The following ADGRD1 variants were observed in gnomAD, a reference collection of about 807,000 sequenced individuals.
The protein encoded by ADGRD1 is adhesion G protein-coupled receptor D1.
Under a neutral mutation model 113.4 loss-of-function variants are expected in ADGRD1, and 77 were observed. The ratio of observed to expected loss-of-function variants is 0.68; its 90% CI spans 0.57 to 0.82. ADGRD1 has a LOEUF of 0.82. Among genes scored for constraint, ADGRD1 ranks in the 40% least tolerant of loss-of-function variants. The pLI, the probability that ADGRD1 is intolerant of heterozygous loss-of-function variation, is 0.00. For missense variants in ADGRD1, 1,036 were observed against 1,139.1 expected (o/e 0.91, Z 1.30); for synonymous variants, 474 against 475.0 (o/e 1.00, Z 0.03).
intron 3 of ADGRD1, chr12:130,968,936 C>T: frequency 8.7e-7 from 1 of 1,153,528 alleles, no homozygotes; most frequent in Non-Finnish European, 1.3e-6. Context: ...TCTTTTGTCT[C>T]ACTCACTTGC....
intron 7 of ADGRD1, among the ~76,000 whole-genome samples, chr12:130,991,381 T>G (rs1411714281): frequency 6.6e-6 from 1 of 152,158 alleles, no homozygotes; most frequent in Non-Finnish European, 1.5e-5. Flanking sequence ...CTGCTTGGCT[T>G]CTCTCTATGC....
At chr12:131,043,138 G>A (rs1669066863) in intron 13 of ADGRD1, among the ~76,000 whole-genome samples, 1 of 152,206 alleles carries the variant, frequency 6.6e-6, no homozygotes, top group Admixed American at 6.5e-5. Flanking sequence ...GGGGTTGGGA[G>A]CGAGACAGGC....
At chr12:131,069,766 T>C (rs549046689) in intron 13 of ADGRD1, 1 of 152,338 alleles carries the variant, frequency 6.6e-6, no homozygotes, top group South Asian at 2.1e-4. Flanking sequence ...AAATATCTTA[T>C]ATGGTATTAT....
chr12:131,004,392 G>GCTGCGGTGCTCCCCCGGGCCTC, intron 11 of ADGRD1, 96 bp downstream of exon 11: 1 of 790,718 alleles, frequency 1.3e-6, no homozygotes, highest in Non-Finnish European at 2.1e-6. Context: ...GCGCCAGGGA[G>GCTGCGGTGCTCCCCCGGGCCTC]CTGCGGTGCT....
chr12:131,119,181 T>C (rs1375012017), intron 19 of ADGRD1, among the ~76,000 whole-genome samples: 2 of 152,222 alleles, frequency 1.3e-5, no homozygotes, highest in African/African-American at 2.4e-5. Context: ...AAAATAAATA[T>C]TGACGGTGCT....
chr12:130,982,107 G>A lies in ADGRD1; in HGVS notation c.490+44G>A, dbSNP rs550599089. 5 of 1,527,734 alleles carry A rather than the reference G, an allele frequency of 3.3e-6. No individual in the cohort carries two copies. The South Asian group carries it at 3.5e-5, about 11-fold the overall frequency. The allele number at this position is 1,527,734 out of a possible 1,614,324, so 94.6% of individuals were successfully genotyped here. A position where few individuals can be genotyped will look rare whatever the true frequency, so the allele number is the denominator to read the frequency against. On this transcript the variant is annotated intron_variant, in intron 5 of 24. Transcript: ENST00000261654. Reference sequence around the variant, plus strand: ...CCCGGGAGGCTCTGCCTGGAGGAGTGGAGTCTTCTCTGAGAATGGACGCTG... The same window carrying A: ...CCCGGGAGGCTCTGCCTGGAGGAGTAGAGTCTTCTCTGAGAATGGACGCTG...
Position 131,090,533 on chromosome 12 carries a change from CA to C in ADGRD1, c.1671+5871del, listed in dbSNP as rs749029125. Reference sequence around the variant, plus strand: ...GGAAGCCCTCTTCCTCCTAAGTGGGCAGTGTCCTTTTTGTGGAAAGCCTATC... The same window carrying C: ...GGAAGCCCTCTTCCTCCTAAGTGGGCGTGTCCTTTTTGTGGAAAGCCTATC... On this transcript the variant is annotated intron_variant, in intron 15 of 24. Coordinates refer to ENST00000261654, the MANE Select transcript of ADGRD1 (RefSeq NM_198827.5). 1.6e-4 allele frequency among the ~76,000 whole-genome samples: 24 copies of C among 152,186 alleles called. 1 individual carries two copies. Among genetic ancestry groups the C allele is most frequent in the Non-Finnish European group, 3.1e-4 (21 of 68,024 alleles).
intron 14 of ADGRD1, among the ~76,000 whole-genome samples, chr12:131,080,074 A>G (rs1332694105): frequency 6.6e-6 from 1 of 152,190 alleles, no homozygotes; most frequent in East Asian, 1.9e-4. Context: ...GGTTATTACT[A>G]TGAAGCTTTA....
chr12:131,010,767 GA>G (rs1304569171), intron 12 of ADGRD1, among the ~76,000 whole-genome samples: 7 of 152,044 alleles, frequency 4.6e-5, no homozygotes, highest in Non-Finnish European at 2.9e-5. Flanking sequence ...AGCTCTGGGG[GA>G]CAGCACAGTC....
Position 131,137,926 on chromosome 12 carries a change from AC to A in ADGRD1, c.2437-208del. The A allele has an allele frequency of 5.5e-6, 3 of 546,530 alleles. No homozygotes were observed. The South Asian group carries it at 5.8e-5, about 11-fold the overall frequency. The allele number at this position is 546,530 out of a possible 1,614,324, so 33.9% of individuals were successfully genotyped here. ...AGGAGCCCAGCAGAGGCCACTCCAC[AC>A]CCAGCTTCCCTGGCCTGCGATACAA... On this transcript the variant is annotated intron_variant, in intron 23 of 24. Coordinates refer to ENST00000261654, the MANE Select transcript of ADGRD1 (RefSeq NM_198827.5).
At chr12:131,011,760 T>C (rs896574278) in intron 12 of ADGRD1, among the ~76,000 whole-genome samples, 5 of 152,124 alleles carry the variant, frequency 3.3e-5, no homozygotes, top group Admixed American at 1.3e-4. Context: ...TTCCAGCGCG[T>C]TTGGTGGAAT....
intron 18 of ADGRD1, among the ~76,000 whole-genome samples, chr12:131,112,217 C>T (rs1403035097): frequency 6.6e-6 from 1 of 152,144 alleles, no homozygotes; most frequent in Non-Finnish European, 1.5e-5. Flanking sequence ...TACAGTCACC[C>T]TGGGATGGCA....
intron 13 of ADGRD1, among the ~76,000 whole-genome samples, chr12:131,038,936 G>A (rs571724296): frequency 2.4e-4 from 37 of 152,262 alleles, no homozygotes; most frequent in Non-Finnish European, 5.0e-4. Context: ...GAGCAGGGTG[G>A]TTACGGCCTC....
chr12:131,117,799 T>G (rs1421500301), intron 18 of ADGRD1, among the ~76,000 whole-genome samples: 2 of 152,242 alleles, frequency 1.3e-5, no homozygotes, highest in Non-Finnish European at 2.9e-5. Flanking sequence ...AAGTCAGCCA[T>G]GTCCGATGTC....
intron 21 of ADGRD1, among the ~76,000 whole-genome samples, chr12:131,135,585 C>T (rs1951055765): frequency 6.6e-6 from 1 of 152,188 alleles, no homozygotes; most frequent in South Asian, 2.1e-4. Flanking sequence ...ATCTTCCTGG[C>T]CATGGCCTCA....
intron 13 of ADGRD1, among the ~76,000 whole-genome samples, chr12:131,016,872 G>T (rs550154636): frequency 6.9e-6 from 1 of 144,218 alleles, no homozygotes; most frequent in African/African-American, 2.6e-5. Context: ...CAGCCTGGGC[G>T]ATAGAGTGAG....
chr12:131,028,119 A>G (rs917202863), intron 13 of ADGRD1: 1 of 152,232 alleles, frequency 6.6e-6, no homozygotes, highest in South Asian at 2.1e-4. Context: ...CCCAGTGTCC[A>G]GCATTGGGTG....
In ADGRD1 at chr12:131,120,899, C is replaced by T. The variant is rs753839111; in HGVS notation, c.2161C>T (p.Leu721=). 1 of 1,614,138 alleles carries T rather than the reference C, an allele frequency of 6.2e-7. No individual in the cohort carries two copies. The highest frequency in any genetic ancestry group is 8.5e-7 in the Non-Finnish European group (1 of 1,179,996). Residue 721 remains leucine (L), a synonymous_variant, in exon 20 of 25, where the codon CTG becomes TTG. Transcript: ENST00000261654. ...GAIWAFVAPA[L]FVIVVNIGIL... Reference sequence around the variant, plus strand: ...CATCTGGGCCTTTGTAGCCCCTGCCCTGTTTGTCATCGTGGTACGTTTCCT... The same window carrying T: ...CATCTGGGCCTTTGTAGCCCCTGCCTTGTTTGTCATCGTGGTACGTTTCCT...
At chr12:130,992,515 G>A in intron 8 of ADGRD1, 123 bp downstream of exon 8, 1 of 873,524 alleles carries the variant, frequency 1.1e-6, no homozygotes, top group Non-Finnish European at 1.8e-6. Context: ...AAACGTTTGG[G>A]TTTCAGGCTT....
Sources: allele counts gnomAD v4.1 joint callset (sites outside exome capture counted in the v4.1 genomes callset), GRCh38; gene constraint gnomAD v4.1.1; transcripts MANE v1.5; gene names NCBI Gene and HGNC (gene_info 2026-07-23, HGNC 2026-07-21).